The following TGFBI variants were observed in gnomAD, a reference collection of about 807,000 sequenced individuals.
The protein encoded by TGFBI is transforming growth factor-beta-induced protein ig-h3.
In TGFBI, 50 loss-of-function variants were observed where a neutral mutation model predicts 73.7. That is an observed-to-expected ratio of 0.68 (90% CI 0.54 to 0.86). TGFBI has a LOEUF of 0.86. Ranked by LOEUF, TGFBI falls within the 40% of genes least tolerant of loss-of-function variation. The pLI is 0.00. For missense variants in TGFBI, 839 were observed against 877.0 expected (o/e 0.96, Z 0.55); for synonymous variants, 362 against 360.5 (o/e 1.00, Z -0.05).
chr5:136,042,216 C>A (rs1225727852), intron 2 of TGFBI, among the ~76,000 whole-genome samples: 1 of 152,230 alleles, frequency 6.6e-6, no homozygotes, highest in Non-Finnish European at 1.5e-5. Context: ...AGGCTTGGAG[C>A]TCTCCCTGGA....
chr5:136,048,991 G>A (rs6596280), intron 6 of TGFBI: 154,355 of 158,134 alleles, frequency 0.98, 75,347 homozygotes, highest in East Asian at 1. Context: ...GTGATTACCA[G>A]TAACTGTCGA....
At chr5:136,056,902 T>A (rs1289761312) in intron 12 of TGFBI, 107 bp downstream of exon 12, 2 of 1,373,310 alleles carry the variant, frequency 1.5e-6, no homozygotes, top group Non-Finnish European at 2.0e-6. Flanking sequence ...AGGGATTTTA[T>A]GACAAGACTA....
At chr5:136,051,261 C>T (rs1375073576) in intron 7 of TGFBI, among the ~76,000 whole-genome samples, 1 of 152,058 alleles carries the variant, frequency 6.6e-6, no homozygotes, top group East Asian at 1.9e-4. Flanking sequence ...AAAACCCCGT[C>T]TCTACTAAAA....
At chr5:136,041,815 T>C (rs146084883) in intron 2 of TGFBI, among the ~76,000 whole-genome samples, 1 of 152,018 alleles carries the variant, frequency 6.6e-6, no homozygotes, top group Admixed American at 6.5e-5. Context: ...ATTTGAGGAG[T>C]TGGTTTTCTT....
chr5:136,042,332 C>G (rs1455124784), intron 2 of TGFBI, among the ~76,000 whole-genome samples: 1 of 152,162 alleles, frequency 6.6e-6, no homozygotes, highest in Non-Finnish European at 1.5e-5. Context: ...TCTAGTTTAA[C>G]TTCACCCCAT....
At position 136,053,924 on chromosome 5, in the gene TGFBI, A is replaced by C. The variant is rs1311428098; in HGVS notation, c.1127-19A>C. ...AACAGCGCTTTTAACTTTTGAACCCACTTTCTCCTTCCTTGTAGCCAAGAC... is the reference window on the plus strand; with the variant it reads ...AACAGCGCTTTTAACTTTTGAACCCCCTTTCTCCTTCCTTGTAGCCAAGAC... On this transcript the variant is annotated intron_variant, in intron 8 of 16. Transcript: ENST00000442011. 1 of 1,611,646 alleles carries C rather than the reference A, an allele frequency of 6.2e-7. No individual in the cohort carries two copies. Among genetic ancestry groups the C allele is most frequent in the Admixed American group, 1.7e-5 (1 of 59,992 alleles).
chr5:136,054,155 C>G (rs1245469092), intron 9 of TGFBI, 75 bp downstream of exon 9: 4 of 1,553,776 alleles, frequency 2.6e-6, no homozygotes, highest in African/African-American at 1.4e-5. Flanking sequence ...CCACAACACT[C>G]TCCGATTTAC....
At chr5:136,054,195 T>A in intron 9 of TGFBI, 115 bp downstream of exon 9, 1 of 1,398,314 alleles carries the variant, frequency 7.2e-7, no homozygotes, top group Non-Finnish European at 9.7e-7. Context: ...GAACTTCCAC[T>A]CAGCTCAACC....
At chr5:136,054,236 A>G (rs1751586700) in intron 9 of TGFBI, among the ~76,000 whole-genome samples, 156 bp downstream of exon 9, 1 of 152,246 alleles carries the variant, frequency 6.6e-6, no homozygotes. Context: ...CAGAAACTTC[A>G]GAGGCTCTGT....
chr5:136,055,567 G>A (rs1352735703), intron 10 of TGFBI, 113 bp from the exon 11 acceptor site: 42 of 1,006,424 alleles, frequency 4.2e-5, no homozygotes, highest in Middle Eastern at 2.2e-4. Flanking sequence ...CCATCCCAGT[G>A]TATACTCCTT....
chr5:136,046,366 G>A lies in TGFBI; in HGVS notation c.330G>A (p.Leu110=). The part of the protein sequence containing the change: ...ALPLSNLYET[L]GVVGSTTTQL... ...CACTCTCAAACCTTTACGAGACCCT[G>A]GGAGTCGTTGGATCCACCACCACTC... The change falls in exon 4 of 17, where the codon CTG becomes CTA. Residue 110 remains leucine (L), a synonymous_variant. Coordinates refer to ENST00000442011, the MANE Select transcript of TGFBI (RefSeq NM_000358.3). The A allele has an allele frequency of 6.2e-7, 1 of 1,613,956 alleles. No homozygotes were observed. Among genetic ancestry groups the A allele is most frequent in the Non-Finnish European group, 8.5e-7 (1 of 1,179,866 alleles).
chr5:136,038,183 C>A (rs1366288977), intron 2 of TGFBI, among the ~76,000 whole-genome samples: 1 of 152,202 alleles, frequency 6.6e-6, no homozygotes, highest in Non-Finnish European at 1.5e-5. Flanking sequence ...GGCTGACTAG[C>A]TGACAAGGAA....
In TGFBI at chr5:136,049,504, C is replaced by T. The variant is rs1441193019; in HGVS notation, c.837C>T (p.Ala279=). The T allele has an allele frequency of 3.1e-6, 5 of 1,613,960 alleles. No homozygotes were observed. The highest frequency in any genetic ancestry group is 4.2e-6 in the Non-Finnish European group (5 of 1,179,878). ...LEGNGQYTLL[A]PTNEAFEKIP... is the part of the protein sequence containing the mutation. ...GTAACGGCCAGTACACGCTTTTGGC[C>T]CCGACCAATGAGGCCTTCGAGAAGA... is the stretch of plus-strand genomic sequence containing the variant. The change falls in exon 7 of 17, where the codon GCC becomes GCT. Residue 279 remains alanine, a synonymous_variant. Transcript: ENST00000442011.
At chr5:136,038,003 A>G (rs1315463584) in intron 2 of TGFBI, among the ~76,000 whole-genome samples, 2 of 152,188 alleles carry the variant, frequency 1.3e-5, no homozygotes, top group Non-Finnish European at 2.9e-5. Flanking sequence ...CCCCAGACCC[A>G]TACTAGTGCC....
intron 9 of TGFBI, 55 bp from the exon 10 acceptor site, chr5:136,054,661 T>A (rs776979786): frequency 6.2e-7 from 1 of 1,611,008 alleles, no homozygotes; most frequent in African/African-American, 1.3e-5. Context: ...CTCTCATCAC[T>A]CTCTTCATTG....
At chr5:136,051,200 C>T (rs113207077) in intron 7 of TGFBI, among the ~76,000 whole-genome samples, 5,161 of 152,218 alleles carry the variant, frequency 0.034, 259 homozygotes, top group African/African-American at 0.11. Context: ...GAAGCCAAGG[C>T]GGGCAGATCA....
At chr5:136,049,254 C>G (rs1381961847) in intron 6 of TGFBI, 185 bp from the exon 7 acceptor site, 1 of 664,224 alleles carries the variant, frequency 1.5e-6, no homozygotes, top group Non-Finnish European at 2.4e-6. Flanking sequence ...CTGGCTGGAG[C>G]TCAGGCCCAG....
At chr5:136,038,053 C>G (rs1431789272) in intron 2 of TGFBI, among the ~76,000 whole-genome samples, 2 of 152,200 alleles carry the variant, frequency 1.3e-5, no homozygotes, top group Non-Finnish European at 2.9e-5. Flanking sequence ...CAGCTGGGAT[C>G]TCTTGAATAA....
intron 16 of TGFBI, 44 bp from the exon 17 acceptor site, chr5:136,063,142 G>C (rs755992949): frequency 2.2e-5 from 34 of 1,580,520 alleles, no homozygotes; most frequent in Non-Finnish European, 3.0e-5. Context: ...GACAGACATG[G>C]GGAGATCTGC....
Sources: allele counts gnomAD v4.1 joint callset (sites outside exome capture counted in the v4.1 genomes callset), GRCh38; gene constraint gnomAD v4.1.1; transcripts MANE v1.5; gene names NCBI Gene and HGNC (gene_info 2026-07-23, HGNC 2026-07-21).